Variants in CLEC9A observed in about 807,000 individuals in gnomAD.
CLEC9A encodes C-type lectin domain containing 9A.
A neutral mutation model predicts 30.0 loss-of-function variants in CLEC9A; 24 were observed. The observed-to-expected ratio is 0.80, with a 90% CI of 0.58 to 1.13. The LOEUF (loss-of-function observed/expected upper bound fraction) is 1.13. CLEC9A is among the 50% of genes most tolerant of loss of function. CLEC9A has a pLI of 0.00. For missense variants in CLEC9A, 251 were observed against 280.9 expected, an observed-to-expected ratio of 0.89 and a Z score of 0.76; for synonymous variants, 111 against 96.8, an observed-to-expected ratio of 1.15 and a Z score of -0.86.
chr12:10,039,126 C>T (rs1311512853), intron 1 of CLEC9A, among the ~76,000 whole-genome samples: 3 of 152,172 alleles, frequency 2.0e-5, no homozygotes, highest in African/African-American at 7.2e-5. Context: ...TACAATTGGC[C>T]CTGCTTCCTC....
intron 1 of CLEC9A, among the ~76,000 whole-genome samples, chr12:10,037,396 C>A (rs1010821732): frequency 6.6e-6 from 1 of 151,990 alleles, no homozygotes; most frequent in African/African-American, 2.4e-5. Context: ...CATTCATTTT[C>A]CCACATACTT....
At chr12:10,040,554 C>A (rs1352314505) in intron 1 of CLEC9A, among the ~76,000 whole-genome samples, 1 of 151,644 alleles carries the variant, frequency 6.6e-6, no homozygotes, top group Non-Finnish European at 1.5e-5. Context: ...AGGTTCACGC[C>A]ATTCTCCTGC....
At chr12:10,054,490 A>C (rs1865922989) in intron 5 of CLEC9A, 139 bp downstream of exon 5, 2 of 610,176 alleles carry the variant, frequency 3.3e-6, no homozygotes, top group Admixed American at 6.8e-5. Flanking sequence ...CAATCATTTG[A>C]TAGAACTCTC....
chr12:10,031,362 A>C (rs1379414123), intron 1 of CLEC9A, among the ~76,000 whole-genome samples: 1 of 152,190 alleles, frequency 6.6e-6, no homozygotes, highest in Non-Finnish European at 1.5e-5. Context: ...TGCCCTCTGC[A>C]CTTTCTCTTT....
At chr12:10,031,379 A>G (rs1865694336) in intron 1 of CLEC9A, among the ~76,000 whole-genome samples, 1 of 152,214 alleles carries the variant, frequency 6.6e-6, no homozygotes, top group Admixed American at 6.5e-5. Flanking sequence ...CTTTAGAGAT[A>G]GAGAGGGAAA....
In CLEC9A at chr12:10,061,256, A is replaced by C; in HGVS notation, c.302A>C (p.Gln101Pro). 6.2e-7 allele frequency: 1 copy of C among 1,610,608 alleles called. No individual in the cohort carries two copies. The highest frequency in any genetic ancestry group is 8.5e-7 in the Non-Finnish European group (1 of 1,178,852). The change falls in exon 6 of 9, where the codon CAA becomes CCA. Residue 101 changes from glutamine to proline, a missense_variant. Coordinates refer to ENST00000355819, the MANE Select transcript of CLEC9A (RefSeq NM_207345.4). ...LQMKYCQAFM[Q>P]NSLSSAHNSS... ...ATGAAATATTGCCAAGCCTTCATGC[A>C]AAACTCATTAAGTTCAGGTAATGGA...
chr12:10,053,375 T>A (rs573019017), intron 4 of CLEC9A, among the ~76,000 whole-genome samples: 2 of 152,326 alleles, frequency 1.3e-5, no homozygotes, highest in South Asian at 4.1e-4. Flanking sequence ...CTATCCCTTG[T>A]CTTTTCTGGT....
At chr12:10,048,440 G>A (rs1042878203) in intron 2 of CLEC9A, among the ~76,000 whole-genome samples, 1 of 151,036 alleles carries the variant, frequency 6.6e-6, no homozygotes, top group East Asian at 1.9e-4. Flanking sequence ...ATTTTTATCT[G>A]TAGCATGAAA....
At chr12:10,043,802 C>T (rs1273247523) in intron 2 of CLEC9A, among the ~76,000 whole-genome samples, 2 of 151,962 alleles carry the variant, frequency 1.3e-5, no homozygotes, top group Admixed American at 1.3e-4. Context: ...ATGCCTCAGC[C>T]TCCTGAGCAG....
At chr12:10,041,139 G>T (rs1388062049) in intron 1 of CLEC9A, among the ~76,000 whole-genome samples, 2 of 151,972 alleles carry the variant, frequency 1.3e-5, no homozygotes, top group African/African-American at 4.8e-5. Context: ...CCAGCTACTC[G>T]GGAGGCTGAG....
intron 1 of CLEC9A, among the ~76,000 whole-genome samples, chr12:10,036,121 CTT>C (rs1164881586): frequency 6.6e-6 from 1 of 152,052 alleles, no homozygotes; most frequent in Non-Finnish European, 1.5e-5. Context: ...GCCTGATAAA[CTT>C]TGTGATAGGA....
At chr12:10,048,076 A>T (rs530580591) in intron 2 of CLEC9A, among the ~76,000 whole-genome samples, 25 of 150,144 alleles carry the variant, frequency 1.7e-4, no homozygotes, top group African/African-American at 6.1e-4. Flanking sequence ...TACTAAAAAT[A>T]CAAAAAATTA....
At chr12:10,055,331 A>G (rs1048407084) in intron 5 of CLEC9A, among the ~76,000 whole-genome samples, 19 of 152,234 alleles carry the variant, frequency 1.2e-4, no homozygotes, top group African/African-American at 4.6e-4. Flanking sequence ...TACCTGTGGA[A>G]ACAATTTATA....
At chr12:10,055,548 T>C (rs952901583) in intron 5 of CLEC9A, among the ~76,000 whole-genome samples, 32 of 152,218 alleles carry the variant, frequency 2.1e-4, no homozygotes, top group Non-Finnish European at 4.4e-4. Flanking sequence ...ATGATAATGA[T>C]TTGGGGTAAT....
intron 5 of CLEC9A, among the ~76,000 whole-genome samples, chr12:10,058,129 C>A (rs1865959529): frequency 6.6e-6 from 1 of 152,114 alleles, no homozygotes; most frequent in African/African-American, 2.4e-5. Context: ...AGTCTCATTT[C>A]CCTTTCTCCA....
intron 1 of CLEC9A, among the ~76,000 whole-genome samples, 175 bp downstream of exon 1, chr12:10,031,147 A>C (rs1466497893): frequency 4.6e-5 from 7 of 152,254 alleles, no homozygotes; most frequent in Admixed American, 4.6e-4. Context: ...GTGAGCTGAT[A>C]TATTTAAGAA....
At chr12:10,050,628 A>T (rs757973307) in intron 2 of CLEC9A, among the ~76,000 whole-genome samples, 1 of 152,254 alleles carries the variant, frequency 6.6e-6, no homozygotes, top group Non-Finnish European at 1.5e-5. Flanking sequence ...CAATGGCTCC[A>T]TACAATGAAA....
At chr12:10,034,837 A>T (rs568451130) in intron 1 of CLEC9A, among the ~76,000 whole-genome samples, 1 of 152,274 alleles carries the variant, frequency 6.6e-6, no homozygotes, top group Non-Finnish European at 1.5e-5. Flanking sequence ...GTGCTCTTTT[A>T]GTTTAGCCGT....
At chr12:10,039,376 A>G (rs1688964473) in intron 1 of CLEC9A, among the ~76,000 whole-genome samples, 2 of 152,222 alleles carry the variant, frequency 1.3e-5, no homozygotes, top group African/African-American at 4.8e-5. Flanking sequence ...AAAGGAGAAC[A>G]CTGACCTTTT....
Sources: gnomAD v4.1 joint callset for allele counts (sites outside exome capture counted in the v4.1 genomes callset) on GRCh38, gnomAD v4.1.1 for gene constraint, MANE v1.5 for transcripts, NCBI Gene and HGNC (gene_info 2026-07-23, HGNC 2026-07-21) for gene names.